ASPH: variants seen among roughly 807,000 people sequenced by gnomAD.
ASPH encodes aspartyl/asparaginyl beta-hydroxylase.
In ASPH, 100 loss-of-function variants were observed where a neutral mutation model predicts 118.4. The observed-to-expected ratio is 0.84, with a 90% confidence interval of 0.72 to 1.00. The LOEUF is 1.00. Among genes scored for constraint, ASPH ranks in the 50% least tolerant of loss-of-function variants. The pLI is 0.00. For missense variants in ASPH, 920 were observed against 919.5 expected, an observed-to-expected ratio of 1.00 and a Z score of -0.01; for synonymous variants, 315 against 325.6, an observed-to-expected ratio of 0.97 and a Z score of 0.35.
Position 61,633,670 on chromosome 8 carries a change from C to G in ASPH, c.934+13G>C. On this transcript the variant is annotated intron_variant, in intron 13 of 24. Transcript: ENST00000379454. ...TAACAAAAGAGGAAAATACAACATA[C>G]AAAATGTCATACCTGGTGGTACTTC... 1 of 1,590,718 alleles carries G rather than the reference C, an allele frequency of 6.3e-7. No homozygotes were observed. Among genetic ancestry groups the G allele is most frequent in the Non-Finnish European group, 8.6e-7 (1 of 1,168,464 alleles).
At chr8:61,563,013 T>C (rs1830523336) in intron 17 of ASPH, 133 bp from the exon 18 acceptor site, 1 of 806,740 alleles carries the variant, frequency 1.2e-6, no homozygotes, top group Admixed American at 3.8e-5. Context: ...ATTAGTGGTT[T>C]ACTAAGTACC....
intron 14 of ASPH, among the ~76,000 whole-genome samples, chr8:61,588,991 G>C (rs1197939253): frequency 1.3e-5 from 2 of 152,210 alleles, no homozygotes; most frequent in Non-Finnish European, 2.9e-5. Flanking sequence ...TATGTTAAGT[G>C]AAAGTGGCCT....
At chr8:61,698,141 A>C (rs952567920) in intron 1 of ASPH, among the ~76,000 whole-genome samples, 10 of 152,178 alleles carry the variant, frequency 6.6e-5, no homozygotes, top group Non-Finnish European at 1.2e-4. Context: ...GCAAAGAACA[A>C]TTGTTGAATT....
At position 61,619,010 on chromosome 8, in the gene ASPH, CTA is replaced by C; in HGVS notation, c.942_943del (p.Asn314LysfsTer5). On this transcript the variant is annotated frameshift_variant, in exon 14 of 25. Coordinates refer to ENST00000379454, the MANE Select transcript of ASPH (RefSeq NM_004318.4). LOFTEE classifies it high-confidence loss of function. ...TTTTTGTTCTGGATCATCTGTTTTTCTATTTGTTTCTGAAAATTAAAGACAAA... is the reference window on the plus strand; with the variant it reads ...TTTTTGTTCTGGATCATCTGTTTTTCTTTGTTTCTGAAAATTAAAGACAAA... The C allele has an allele frequency of 6.2e-7, 1 of 1,603,746 alleles. No individual in the cohort carries two copies. The highest frequency in any genetic ancestry group is 2.2e-5 in the East Asian group (1 of 44,568).
intron 1 of ASPH, among the ~76,000 whole-genome samples, chr8:61,711,431 T>C (rs550984610): frequency 2.1e-3 from 323 of 152,172 alleles, no homozygotes; most frequent in Non-Finnish European, 3.9e-3. Flanking sequence ...AAAATAAAGG[T>C]AGGAAGTCTA....
At position 61,651,286 on chromosome 8, in the gene ASPH, G is replaced by A. The variant is rs1810843010; in HGVS notation, c.416-162C>T. On this transcript the variant is annotated intron_variant, in intron 4 of 24. Coordinates refer to ENST00000379454, the MANE Select transcript of ASPH (RefSeq NM_004318.4). ...AGCTTACATTTTTTTGTTCTGTGTT[G>A]GCAAACATGGTAGATATGTAAAATT... 16 of 513,150 alleles carry A rather than the reference G, an allele frequency of 3.1e-5. No individual in the cohort carries two copies. In the East Asian group the frequency reaches 5.2e-4, roughly 17 times the overall value. The allele number at this position is 513,150 out of a possible 1,614,324, so 31.8% of individuals were successfully genotyped here. A position where few individuals can be genotyped will look rare whatever the true frequency, so the allele number is the denominator to read the frequency against.
chr8:61,607,023 A>G (rs1354120560), intron 14 of ASPH: 1 of 418,924 alleles, frequency 2.4e-6, no homozygotes, highest in Non-Finnish European at 4.2e-6. Context: ...GTTGCTTTCC[A>G]TCTCCTGCCA....
intron 14 of ASPH, among the ~76,000 whole-genome samples, chr8:61,603,498 C>T (rs73265182): frequency 3.9e-4 from 59 of 152,226 alleles, no homozygotes; most frequent in African/African-American, 1.4e-3. Context: ...TCCATAACTA[C>T]TGCTACATAG....
intron 21 of ASPH, among the ~76,000 whole-genome samples, chr8:61,540,093 A>G (rs1821292309): frequency 6.6e-6 from 1 of 152,210 alleles, no homozygotes; most frequent in Admixed American, 6.5e-5. Flanking sequence ...GAAAAGAGAA[A>G]ACTCTACTGG....
intron 3 of ASPH, chr8:61,661,148 T>C (rs1816702535): frequency 6.6e-6 from 1 of 152,208 alleles, no homozygotes. Flanking sequence ...ATGATCTCAA[T>C]AGAATAAATC....
chr8:61,505,265 G>A (rs1481360828), intron 24 of ASPH, among the ~76,000 whole-genome samples: 1 of 152,154 alleles, frequency 6.6e-6, no homozygotes, highest in Non-Finnish European at 1.5e-5. Flanking sequence ...GGAGGCTGAG[G>A]ACAGTGGATC....
chr8:61,692,118 T>C (rs945639575), intron 1 of ASPH, among the ~76,000 whole-genome samples: 4 of 152,256 alleles, frequency 2.6e-5, no homozygotes, highest in Non-Finnish European at 1.5e-5. Context: ...GTTAATCTTT[T>C]GTCTTTTGCA....
chr8:61,627,421 T>A (rs1336059257), intron 13 of ASPH, among the ~76,000 whole-genome samples: 1 of 152,194 alleles, frequency 6.6e-6, no homozygotes, highest in East Asian at 1.9e-4. Context: ...TACCTCTGGT[T>A]GGGGTATGAC....
intron 3 of ASPH, among the ~76,000 whole-genome samples, chr8:61,654,599 G>A (rs1282934193): frequency 6.6e-6 from 1 of 152,140 alleles, no homozygotes; most frequent in Non-Finnish European, 1.5e-5. Context: ...TTTTCATTTC[G>A]ATGTATTACT....
At chr8:61,548,353 A>C (rs1290096959) in intron 20 of ASPH, 145 bp from the exon 21 acceptor site, 1 of 985,704 alleles carries the variant, frequency 1.0e-6, no homozygotes, top group Admixed American at 3.2e-5. Flanking sequence ...ATCTGTTGAA[A>C]TCTGGTGAAA....
intron 24 of ASPH, among the ~76,000 whole-genome samples, chr8:61,513,276 T>C (rs1243017770): frequency 6.6e-6 from 1 of 152,192 alleles, no homozygotes; most frequent in Non-Finnish European, 1.5e-5. Context: ...GCACAGAACT[T>C]CCAGATTTCA....
At chr8:61,713,799 C>T (rs921042229) in intron 1 of ASPH, among the ~76,000 whole-genome samples, 10 of 152,198 alleles carry the variant, frequency 6.6e-5, no homozygotes, top group Admixed American at 6.5e-4. Flanking sequence ...CTTCTTCCCT[C>T]CCCCTGCCCC....
chr8:61,518,682 G>C (rs559381718), intron 22 of ASPH, among the ~76,000 whole-genome samples: 1 of 152,068 alleles, frequency 6.6e-6, no homozygotes, highest in Non-Finnish European at 1.5e-5. Flanking sequence ...GTATTTTATC[G>C]ATACCATAAG....
At chr8:61,559,837 C>T (rs1028611429) in intron 18 of ASPH, among the ~76,000 whole-genome samples, 3 of 151,926 alleles carry the variant, frequency 2.0e-5, no homozygotes, top group Admixed American at 2.0e-4. Context: ...CTGGAAGGGC[C>T]GCCATCAAGC....
Sources: allele counts gnomAD v4.1 joint callset (sites outside exome capture counted in the v4.1 genomes callset), GRCh38; gene constraint gnomAD v4.1.1; transcripts MANE v1.5; gene names NCBI Gene and HGNC (gene_info 2026-07-23, HGNC 2026-07-21).